Variants in DNAJC5B observed in about 807,000 individuals in gnomAD.
DNAJC5B encodes DnaJ heat shock protein family (Hsp40) member C5 beta.
DNAJC5B carries 23 observed loss-of-function variants against 24.7 expected under a neutral mutation model. That is an observed-to-expected ratio of 0.93 (90% CI 0.67 to 1.32). The LOEUF is 1.32. Among genes scored for constraint, DNAJC5B ranks in the 40% most tolerant of loss-of-function variants. The pLI, the probability that DNAJC5B is intolerant of heterozygous loss-of-function variation, is 0.00. For synonymous variants in DNAJC5B, 101 were observed against 90.1 expected, an observed-to-expected ratio of 1.12 and a Z score of -0.68; for missense variants, 238 against 240.8, an observed-to-expected ratio of 0.99 and a Z score of 0.08.
intron 1 of DNAJC5B, among the ~76,000 whole-genome samples, chr8:66,028,841 C>T (rs1161652638): frequency 6.6e-6 from 1 of 152,192 alleles, no homozygotes; most frequent in African/African-American, 2.4e-5. Flanking sequence ...AACCGGCACT[C>T]CCCAGTTTCA....
At chr8:66,093,435 G>A (rs555086344) in intron 5 of DNAJC5B, among the ~76,000 whole-genome samples, 1 of 152,254 alleles carries the variant, frequency 6.6e-6, no homozygotes, top group African/African-American at 2.4e-5. Flanking sequence ...TGACAATCTA[G>A]TAGGTGGGAA....
At chr8:66,033,975 A>G (rs973877459) in intron 1 of DNAJC5B, among the ~76,000 whole-genome samples, 4 of 152,060 alleles carry the variant, frequency 2.6e-5, no homozygotes, top group African/African-American at 9.7e-5. Flanking sequence ...GATGCTCAGA[A>G]TTGGGAGACC....
chr8:66,068,212 T>C lies in DNAJC5B; in HGVS notation c.120-8448T>C, dbSNP rs189846502. Among the ~76,000 whole-genome samples the C allele has an allele frequency of 2.6e-5, 4 of 152,320 alleles. No individual in the cohort carries two copies. In the East Asian group the frequency reaches 7.7e-4, roughly 29 times the overall value. On this transcript the variant is annotated intron_variant, in intron 3 of 5. Transcript: ENST00000276570. The stretch of plus-strand genomic sequence containing the variant: ...AAATCAAGACAATATGAACAAGATT[T>C]AGCAGAAATAATAGGAACAGAGCCA...
At chr8:66,077,890 T>G (rs1807505789) in intron 4 of DNAJC5B, among the ~76,000 whole-genome samples, 1 of 152,244 alleles carries the variant, frequency 6.6e-6, no homozygotes, top group Non-Finnish European at 1.5e-5. Context: ...TTGAAACCCC[T>G]TTCTCTGTTG....
Position 66,093,929 on chromosome 8 carries a change from T to C in DNAJC5B, c.506-6008T>C, listed in dbSNP as rs193169774. On this transcript the variant is annotated intron_variant, in intron 5 of 5. Transcript: ENST00000276570. Reference sequence around the variant, plus strand: ...ATGATGTGGGACTCCAATTTCATTTTTTTTCCAGATAGAAAACAAATTGTT... The same window carrying C: ...ATGATGTGGGACTCCAATTTCATTTCTTTTCCAGATAGAAAACAAATTGTT... Among the ~76,000 whole-genome samples, 4 of 152,312 alleles carry C rather than the reference T, an allele frequency of 2.6e-5. No individual in the cohort carries two copies. In the East Asian group the frequency reaches 7.7e-4, roughly 29 times the overall value.
chr8:66,050,215 G>A (rs963625492), intron 2 of DNAJC5B, among the ~76,000 whole-genome samples: 9 of 152,204 alleles, frequency 5.9e-5, no homozygotes, highest in African/African-American at 2.2e-4. Flanking sequence ...TCAGGGAGCT[G>A]CCACTGGTGT....
At chr8:66,048,601 T>C (rs1284741106) in intron 2 of DNAJC5B, among the ~76,000 whole-genome samples, 1 of 152,050 alleles carries the variant, frequency 6.6e-6, no homozygotes, top group Admixed American at 6.6e-5. Context: ...CTGAGCTAGA[T>C]CCCAATCAAA....
rs559401784 is a variant in DNAJC5B, at chr8:66,033,380, T to G, written c.-141-10108T>G. Among the ~76,000 whole-genome samples the G allele has an allele frequency of 2.0e-5, 3 of 152,324 alleles. No homozygotes were observed. The East Asian group carries it at 5.8e-4, about 29-fold the overall frequency. ...TTTGCTGGAAGGCCCGGGAAAGAGC[T>G]GAGATTCCTAATTGACTAGAATATG... On this transcript the variant is annotated intron_variant, in intron 1 of 5. Coordinates refer to ENST00000276570, the MANE Select transcript of DNAJC5B (RefSeq NM_033105.6).
chr8:66,090,277 G>C (rs1464674328), intron 5 of DNAJC5B, among the ~76,000 whole-genome samples: 1 of 151,536 alleles, frequency 6.6e-6, no homozygotes, highest in Non-Finnish European at 1.5e-5. Flanking sequence ...GTGTGTGTGT[G>C]TGTGGTAGAG....
the DNAJC5B span, among the ~76,000 whole-genome samples, chr8:66,016,237 G>A: frequency 1.3e-5 from 2 of 152,138 alleles, no homozygotes; most frequent in Non-Finnish European, 2.9e-5. Flanking sequence ...ATATGGTTTG[G>A]CTGTGTCCCC....
intron 5 of DNAJC5B, among the ~76,000 whole-genome samples, chr8:66,091,372 T>C (rs1448970561): frequency 6.6e-6 from 1 of 152,116 alleles, no homozygotes. Context: ...AAGTGACATT[T>C]AAAGCAGAAG....
At chr8:66,071,598 T>C (rs1470437107) in intron 3 of DNAJC5B, among the ~76,000 whole-genome samples, 2 of 152,222 alleles carry the variant, frequency 1.3e-5, no homozygotes, top group Admixed American at 6.5e-5. Flanking sequence ...TTTTACACGT[T>C]AGTGGGAGTG....
intron 3 of DNAJC5B, among the ~76,000 whole-genome samples, chr8:66,071,898 A>T (rs753496873): frequency 6.6e-6 from 1 of 152,172 alleles, no homozygotes. Flanking sequence ...TGTCCTTTGC[A>T]GGGACATGGA....
At chr8:66,086,928 T>A (rs1002143402) in intron 5 of DNAJC5B, among the ~76,000 whole-genome samples, 2 of 152,200 alleles carry the variant, frequency 1.3e-5, no homozygotes, top group African/African-American at 4.8e-5. Context: ...TACTCCAGAA[T>A]AAAAGTAATA....
At chr8:66,088,853 C>T (rs146004032) in intron 5 of DNAJC5B, among the ~76,000 whole-genome samples, 1,849 of 152,258 alleles carry the variant, frequency 0.012, 32 homozygotes, top group African/African-American at 0.04. Flanking sequence ...TGGTCAAAGC[C>T]ATTCAACAAG....
intron 5 of DNAJC5B, among the ~76,000 whole-genome samples, chr8:66,082,749 T>C (rs1412440269): frequency 6.6e-6 from 1 of 152,136 alleles, no homozygotes; most frequent in African/African-American, 2.4e-5. Context: ...CAAACCTCTT[T>C]AAGAAAAAGA....
At chr8:66,054,856 G>A (rs934057021) in intron 3 of DNAJC5B, among the ~76,000 whole-genome samples, 7 of 152,134 alleles carry the variant, frequency 4.6e-5, no homozygotes, top group African/African-American at 7.2e-5. Context: ...TTGACTGAAG[G>A]CTTCAGGCTG....
intron 5 of DNAJC5B, among the ~76,000 whole-genome samples, chr8:66,098,979 CTCTG>C (rs1333229743): frequency 4.0e-5 from 6 of 151,150 alleles, no homozygotes; most frequent in Admixed American, 2.0e-4. Flanking sequence ...ATCTCTGTCT[CTCTG>C]TCTGTCTCTC....
At chr8:66,078,604 T>C (rs180809281) in intron 4 of DNAJC5B, among the ~76,000 whole-genome samples, 20 of 151,856 alleles carry the variant, frequency 1.3e-4, no homozygotes, top group Non-Finnish European at 1.8e-4. Context: ...AGGACAAAAA[T>C]AGCTTAAAAA....
Sources: gnomAD v4.1 joint callset for allele counts (sites outside exome capture counted in the v4.1 genomes callset) on GRCh38, gnomAD v4.1.1 for gene constraint, MANE v1.5 for transcripts, NCBI Gene and HGNC (gene_info 2026-07-23, HGNC 2026-07-21) for gene names.